Variants in ADCY2 observed in about 807,000 individuals in gnomAD.
The protein encoded by ADCY2 is adenylate cyclase 2.
Under a neutral mutation model 125.2 loss-of-function variants are expected in ADCY2, and 31 were observed. The ratio of observed to expected loss-of-function variants is 0.25; its 90% CI spans 0.19 to 0.33. ADCY2 has a LOEUF of 0.33. ADCY2 is among the 10% of genes least tolerant of loss of function. ADCY2 has a pLI of 1.00. For missense variants in ADCY2, 904 were observed against 1,418.2 expected (o/e 0.64, Z 5.82); for synonymous variants, 512 against 548.4 (o/e 0.93, Z 0.93).
At chr5:7,430,953 T>G (rs1321496951) in intron 2 of ADCY2, among the ~76,000 whole-genome samples, 1 of 152,110 alleles carries the variant, frequency 6.6e-6, no homozygotes, top group Non-Finnish European at 1.5e-5. Flanking sequence ...CTCCCCAAAT[T>G]TAACCAACAC....
chr5:7,698,409 G>C (rs747204860), intron 7 of ADCY2, 35 bp downstream of exon 7: 3 of 1,612,148 alleles, frequency 1.9e-6, no homozygotes, highest in Non-Finnish European at 2.5e-6. Flanking sequence ...TTTGTTATAT[G>C]CTTTAAGTTC....
chr5:7,660,787 T>TA (rs11395291), intron 4 of ADCY2, among the ~76,000 whole-genome samples: 112,392 of 150,670 alleles, frequency 0.75, 42,230 homozygotes, highest in Middle Eastern at 0.8. Context: ...AATCACATGT[T>TA]AAAAAAAAAA....
At chr5:7,703,148 G>C (rs1287798353) in intron 7 of ADCY2, among the ~76,000 whole-genome samples, 1 of 152,166 alleles carries the variant, frequency 6.6e-6, no homozygotes, top group Non-Finnish European at 1.5e-5. Flanking sequence ...CAGATGAGTA[G>C]ATTGCAAAAA....
intron 3 of ADCY2, among the ~76,000 whole-genome samples, chr5:7,617,667 A>G (rs1055963612): frequency 2.0e-5 from 3 of 152,324 alleles, no homozygotes; most frequent in Middle Eastern, 3.4e-3. Context: ...AAAAATTTAC[A>G]AGAAGTCAGA....
intron 4 of ADCY2, among the ~76,000 whole-genome samples, chr5:7,637,100 T>A (rs1579262071): frequency 6.6e-6 from 1 of 152,322 alleles, no homozygotes; most frequent in Non-Finnish European, 1.5e-5. Flanking sequence ...TTACATAGTT[T>A]TCCTAATATG....
At chr5:7,655,030 A>G (rs1275988838) in intron 4 of ADCY2, among the ~76,000 whole-genome samples, 1 of 152,166 alleles carries the variant, frequency 6.6e-6, no homozygotes. Context: ...GGTTTTAGAC[A>G]CTGAGAGATC....
At chr5:7,540,730 A>T (rs892061621) in intron 3 of ADCY2, among the ~76,000 whole-genome samples, 1 of 152,208 alleles carries the variant, frequency 6.6e-6, no homozygotes, top group African/African-American at 2.4e-5. Context: ...GCATTGGAAG[A>T]AGACAGGCTC....
intron 16 of ADCY2, among the ~76,000 whole-genome samples, chr5:7,763,338 A>G (rs1743291090): frequency 6.6e-6 from 1 of 151,298 alleles, no homozygotes; most frequent in East Asian, 1.9e-4. Context: ...TGATCCACCC[A>G]CCTCGGCCTC....
At chr5:7,640,604 A>G (rs190918291) in intron 4 of ADCY2, among the ~76,000 whole-genome samples, 3 of 152,316 alleles carry the variant, frequency 2.0e-5, no homozygotes, top group Admixed American at 6.5e-5. Context: ...TTCATGAAAA[A>G]TGGTAACTGT....
chr5:7,576,348 A>T (rs947239662), intron 3 of ADCY2, among the ~76,000 whole-genome samples: 1 of 152,218 alleles, frequency 6.6e-6, no homozygotes, highest in Non-Finnish European at 1.5e-5. Context: ...CAGTAGGTGA[A>T]CGGGCAGAGG....
chr5:7,540,811 C>T (rs1207425563), intron 3 of ADCY2, among the ~76,000 whole-genome samples: 1 of 152,230 alleles, frequency 6.6e-6, no homozygotes, highest in East Asian at 1.9e-4. Flanking sequence ...TCCTGCTTTC[C>T]CACCTTCTAT....
At chr5:7,523,566 A>G (rs1484113630) in intron 3 of ADCY2, among the ~76,000 whole-genome samples, 2 of 152,232 alleles carry the variant, frequency 1.3e-5, no homozygotes, top group Non-Finnish European at 2.9e-5. Context: ...AGAGCTGGGA[A>G]AGGTGGAACA....
intron 4 of ADCY2, among the ~76,000 whole-genome samples, chr5:7,659,963 A>G (rs951912407): frequency 6.6e-6 from 1 of 152,230 alleles, no homozygotes; most frequent in Admixed American, 6.5e-5. Context: ...ATTCTTACTT[A>G]TAAGTGGGAG....
intron 3 of ADCY2, among the ~76,000 whole-genome samples, chr5:7,609,390 C>T (rs1328123099): frequency 6.6e-6 from 1 of 152,196 alleles, no homozygotes; most frequent in African/African-American, 2.4e-5. Flanking sequence ...ATTACAGTCT[C>T]TACACTTTGA....
chr5:7,769,073 C>CAAGCTGAGAAGCA (rs2126477308), intron 17 of ADCY2, among the ~76,000 whole-genome samples: 1 of 152,318 alleles, frequency 6.6e-6, no homozygotes, highest in East Asian at 1.9e-4. Context: ...GCCCAGTTCA[C>CAAGCTGAGAAGCA]TGCTGGTGGT....
intron 3 of ADCY2, among the ~76,000 whole-genome samples, chr5:7,614,466 A>G (rs1216963931): frequency 6.6e-6 from 1 of 152,122 alleles, no homozygotes; most frequent in Non-Finnish European, 1.5e-5. Context: ...GGTGCCCTCA[A>G]CCTCTAAGAC....
At chr5:7,698,491 T>C in intron 7 of ADCY2, 117 bp downstream of exon 7, 1 of 1,042,364 alleles carries the variant, frequency 9.6e-7, no homozygotes, top group Non-Finnish European at 1.5e-6. Context: ...CCTGCACCCA[T>C]CAACTCATCA....
intron 2 of ADCY2, among the ~76,000 whole-genome samples, chr5:7,418,513 C>G (rs935656170): frequency 1.3e-5 from 2 of 152,148 alleles, no homozygotes; most frequent in Non-Finnish European, 2.9e-5. Context: ...AGTGGACCGG[C>G]TCATACCCCT....
At chr5:7,430,889 A>G (rs1454644770) in intron 2 of ADCY2, among the ~76,000 whole-genome samples, 1 of 152,168 alleles carries the variant, frequency 6.6e-6, no homozygotes, top group Non-Finnish European at 1.5e-5. Context: ...AAAGAGCTAG[A>G]TAACTGGAGA....
Sources: allele counts gnomAD v4.1 joint callset (sites outside exome capture counted in the v4.1 genomes callset), GRCh38; gene constraint gnomAD v4.1.1; transcripts MANE v1.5; gene names NCBI Gene and HGNC (gene_info 2026-07-23, HGNC 2026-07-21).